Variants in ZNF280D observed in about 807,000 individuals in gnomAD.
ZNF280D encodes the protein zinc finger protein 280D.
A neutral mutation model predicts 94.7 loss-of-function variants in ZNF280D; 39 were observed. That is an observed-to-expected ratio of 0.41 (90% CI 0.32 to 0.54). The LOEUF is 0.54. Ranked by LOEUF, ZNF280D falls within the 20% of genes least tolerant of loss-of-function variation. The probability of loss-of-function intolerance (pLI) is 0.22; values close to 1 mark genes in which losing one functional copy is unlikely to be tolerated. For missense variants in ZNF280D, 1,090 were observed against 1,149.3 expected, an observed-to-expected ratio of 0.95 and a Z score of 0.75; for synonymous variants, 398 against 377.6, an observed-to-expected ratio of 1.05 and a Z score of -0.63.
chr15:56,678,166 C>T (rs1192176686), intron 11 of ZNF280D, among the ~76,000 whole-genome samples: 2 of 152,068 alleles, frequency 1.3e-5, no homozygotes, highest in Admixed American at 6.6e-5. Flanking sequence ...CACCACCATG[C>T]CCGGCTAATT....
chr15:56,669,937 TA>T (rs1566960611), intron 13 of ZNF280D, among the ~76,000 whole-genome samples: 247 of 1,450 alleles, frequency 0.17, 118 homozygotes, highest in Non-Finnish European at 0.19. Flanking sequence ...ATATATATAT[TA>T]TATATATATA....
intron 7 of ZNF280D, among the ~76,000 whole-genome samples, chr15:56,690,259 G>A (rs1283856462): frequency 6.6e-6 from 1 of 152,114 alleles, no homozygotes; most frequent in East Asian, 1.9e-4. Context: ...ACGGGCACCT[G>A]TAGTCCCAGC....
At chr15:56,660,558 G>GA (rs1192205267) in intron 16 of ZNF280D, among the ~76,000 whole-genome samples, 28 of 148,844 alleles carry the variant, frequency 1.9e-4, no homozygotes, top group Admixed American at 1.3e-3. Flanking sequence ...ACATAAAAAG[G>GA]AAAAAAAAAT....
chr15:56,684,448 G>T (rs2055858319), intron 9 of ZNF280D, among the ~76,000 whole-genome samples: 1 of 151,990 alleles, frequency 6.6e-6, no homozygotes, highest in South Asian at 2.1e-4. Context: ...CCTCTATTTG[G>T]AAGACCACAA....
intron 13 of ZNF280D, among the ~76,000 whole-genome samples, chr15:56,673,520 T>C (rs904941130): frequency 6.6e-6 from 1 of 152,072 alleles, no homozygotes; most frequent in Non-Finnish European, 1.5e-5. Context: ...AAAAACTTTC[T>C]ATCTTCTCCC....
At chr15:56,692,972 G>A (rs573854150) in intron 7 of ZNF280D, 126 bp downstream of exon 7, 4 of 548,860 alleles carry the variant, frequency 7.3e-6, no homozygotes, top group East Asian at 7.4e-5. Flanking sequence ...TACTAGTGAC[G>A]TTCCACCTTA....
chr15:56,678,825 T>A lies in ZNF280D; in HGVS notation c.1005-4A>T. On this transcript the variant is annotated splice_region_variant and splice_polypyrimidine_tract_variant and intron_variant, in intron 10 of 21. Coordinates refer to ENST00000267807, the MANE Select transcript of ZNF280D (RefSeq NM_017661.4). The stretch of plus-strand genomic sequence containing the variant: ...GTGTTTCATGTGGTTCATAAACCTA[T>A]AAATGGTTGTCAACAGGTGCAAAAC... 6.4e-7 allele frequency: 1 copy of A among 1,556,412 alleles called. No individual in the cohort carries two copies. Among genetic ancestry groups the A allele is most frequent in the Non-Finnish European group, 8.7e-7 (1 of 1,151,726 alleles).
intron 1 of ZNF280D, among the ~76,000 whole-genome samples, chr15:56,718,170 T>C (rs967677934): frequency 6.6e-6 from 1 of 152,134 alleles, no homozygotes; most frequent in African/African-American, 2.4e-5. Context: ...ATTTTTGAAT[T>C]AGCAATAAAA....
At chr15:56,707,389 G>T in intron 1 of ZNF280D, 83 bp from the exon 2 acceptor site, 1 of 1,229,804 alleles carries the variant, frequency 8.1e-7, no homozygotes, top group Non-Finnish European at 1.1e-6. Flanking sequence ...CTATACAGAG[G>T]TCAATTATGT....
At chr15:56,683,372 G>A (rs533059309) in intron 9 of ZNF280D, among the ~76,000 whole-genome samples, 2 of 152,246 alleles carry the variant, frequency 1.3e-5, no homozygotes, top group South Asian at 4.1e-4. Flanking sequence ...GGTTTTATAG[G>A]AGGATAGAGC....
intron 20 of ZNF280D, among the ~76,000 whole-genome samples, chr15:56,640,755 AT>A (rs2052589042): frequency 1.3e-5 from 2 of 152,144 alleles, no homozygotes; most frequent in Admixed American, 6.6e-5. Context: ...ATTGTTTAAA[AT>A]TTTTGAATAC....
chr15:56,654,327 A>G (rs2140684281), intron 18 of ZNF280D, 58 bp downstream of exon 18: 2 of 1,596,370 alleles, frequency 1.3e-6, no homozygotes, highest in Middle Eastern at 1.7e-4. Flanking sequence ...ATTGTGGATG[A>G]CCAAAAATAC....
chr15:56,669,016 G>T, intron 13 of ZNF280D, 59 bp from the exon 14 acceptor site: 1 of 1,499,994 alleles, frequency 6.7e-7, no homozygotes. Flanking sequence ...CAAATCCTGT[G>T]TCCTGAAACT....
intron 17 of ZNF280D, among the ~76,000 whole-genome samples, chr15:56,655,154 T>A (rs573192546): frequency 6.6e-6 from 1 of 152,370 alleles, no homozygotes; most frequent in Non-Finnish European, 1.5e-5. Context: ...TACTTAACAC[T>A]GAACTAGCTA....
At chr15:56,683,014 T>C (rs1213463705) in intron 9 of ZNF280D, among the ~76,000 whole-genome samples, 1 of 152,028 alleles carries the variant, frequency 6.6e-6, no homozygotes, top group Non-Finnish European at 1.5e-5. Context: ...TCAAATAACA[T>C]TGCAAAGTTA....
At chr15:56,700,661 T>C (rs1410272880) in intron 6 of ZNF280D, 10 of 1,384,810 alleles carry the variant, frequency 7.2e-6, no homozygotes, top group South Asian at 5.3e-5. Context: ...TGGCTGACTA[T>C]AATTTTATTC....
chr15:56,674,593 C>T (rs891598238), intron 13 of ZNF280D, among the ~76,000 whole-genome samples: 11 of 151,998 alleles, frequency 7.2e-5, no homozygotes, highest in African/African-American at 2.7e-4. Context: ...GACAATGTGA[C>T]ATTAGGCAAG....
chr15:56,680,362 T>A (rs1256610421), intron 10 of ZNF280D, among the ~76,000 whole-genome samples: 2 of 152,206 alleles, frequency 1.3e-5, no homozygotes, highest in African/African-American at 4.8e-5. Flanking sequence ...TCAGTATTTT[T>A]AAAAATACTC....
At chr15:56,646,551 T>G (rs1418594482) in intron 19 of ZNF280D, among the ~76,000 whole-genome samples, 1 of 152,224 alleles carries the variant, frequency 6.6e-6, no homozygotes, top group African/African-American at 2.4e-5. Context: ...AAACATCTAC[T>G]CTACCATTTC....
Sources: allele counts gnomAD v4.1 joint callset (sites outside exome capture counted in the v4.1 genomes callset), GRCh38; gene constraint gnomAD v4.1.1; transcripts MANE v1.5; gene names NCBI Gene and HGNC (gene_info 2026-07-23, HGNC 2026-07-21).